The following STIL variants were observed in gnomAD, a reference collection of about 807,000 sequenced individuals.
STIL encodes the protein SCL-interrupting locus protein.
In STIL, 55 loss-of-function variants were observed where a neutral mutation model predicts 110.1. The ratio of observed to expected loss-of-function variants is 0.50; its 90% CI spans 0.40 to 0.63. The LOEUF is 0.63. Ranked by LOEUF, STIL falls within the 20% of genes least tolerant of loss-of-function variation. The pLI is 0.00. For missense variants in STIL, 1,358 were observed against 1,530.0 expected (o/e 0.89, Z 1.87); for synonymous variants, 481 against 530.0 (o/e 0.91, Z 1.27).
In STIL at chr1:47,260,371, G is replaced by T; in HGVS notation, c.2998C>A (p.Leu1000Ile). The change falls in exon 16 of 17, where the codon CTT (leucine) becomes ATT (isoleucine). Residue 1000 changes from leucine (L) to isoleucine (I), a missense_variant. Coordinates refer to ENST00000371877, the MANE Select transcript of STIL (RefSeq NM_001048166.1). ...ACTCCAAGGCTTCTTAGTTGCTTAA[G>T]AGTTGCATTAAGGACACAATCTTTG... is the stretch of plus-strand genomic sequence containing the variant. ...VDKDCVLNAT[L>I]KQLRSLGVKI... The T allele has an allele frequency of 6.2e-7, 1 of 1,614,132 alleles. No homozygotes were observed. Among genetic ancestry groups the T allele is most frequent in the South Asian group, 1.1e-5 (1 of 91,082 alleles).
In STIL at chr1:47,311,283, CTTTTTTT is replaced by C. The variant is rs536667689; in HGVS notation, c.-43-928_-43-922del. Among the ~76,000 whole-genome samples the C allele has an allele frequency of 6.0e-3, 790 of 132,216 alleles. 2 individuals carry two copies. The highest frequency in any genetic ancestry group is 0.032 in the East Asian group (154 of 4,818). 86.7% of individuals were successfully genotyped at this position (132,216 alleles called of 152,430 possible). On this transcript the variant is annotated intron_variant, in intron 1 of 16. Coordinates refer to ENST00000371877, the MANE Select transcript of STIL (RefSeq NM_001048166.1). ...CAAATCCATTTTCTTTTCTTTTTTT[CTTTTTTT>C]TTTTTTTTTGAAACAGGGTCTCACT...
chr1:47,310,462 A>T (rs766245691), intron 1 of STIL, 100 bp from the exon 2 acceptor site: 21 of 698,884 alleles, frequency 3.0e-5, no homozygotes, highest in Admixed American at 2.5e-4. Flanking sequence ...TAGATTACTT[A>T]TATGAAGTGT....
chr1:47,279,238 G>T (rs1645078904), intron 12 of STIL, among the ~76,000 whole-genome samples: 1 of 148,300 alleles, frequency 6.7e-6, no homozygotes, highest in Admixed American at 6.8e-5. Context: ...AGCCGAGATC[G>T]TGGCACTGCA....
rs1644690503 is a variant in STIL at position 47,267,631 on chromosome 1, CCACCGTACTCCAGCCAGGGCGA to C, written c.2615+1982_2615+2003del. On this transcript the variant is annotated intron_variant, in intron 14 of 16. Coordinates refer to ENST00000371877, the MANE Select transcript of STIL (RefSeq NM_001048166.1). ...GAGGTTGCAGTGAGCCAAGATCACG[CCACCGTACTCCAGCCAGGGCGA>C]CAGAGCGAGTATCTAAAAAAAAAAA... 5.4e-5 allele frequency among the ~76,000 whole-genome samples: 8 copies of C among 147,078 alleles called. No homozygotes were observed. The South Asian group carries it at 1.7e-3, about 32-fold the overall frequency.
Position 47,300,251 on chromosome 1 carries a change from G to C in STIL, c.454-99C>G, listed in dbSNP as rs1645765036. The C allele has an allele frequency of 2.1e-5, 25 of 1,186,346 alleles. No homozygotes were observed. The South Asian group carries it at 3.5e-4, about 17-fold the overall frequency. 73.5% of individuals were successfully genotyped at this position (1,186,346 alleles called of 1,614,324 possible). ...GATACATATACATATATAATATCTT[G>C]CACAAATAAAATTAAATGAGTTCTG... On this transcript the variant is annotated intron_variant, in intron 5 of 16. Coordinates refer to ENST00000371877, the MANE Select transcript of STIL (RefSeq NM_001048166.1).
intron 3 of STIL, 72 bp downstream of exon 3, chr1:47,304,817 A>G: frequency 8.7e-7 from 1 of 1,153,180 alleles, no homozygotes; most frequent in East Asian, 2.5e-5. Context: ...ATAGTAATCA[A>G]CTTTGCCTTA....
At chr1:47,259,384 G>A (rs957569641) in intron 16 of STIL, among the ~76,000 whole-genome samples, 27 of 137,008 alleles carry the variant, frequency 2.0e-4, no homozygotes, top group Middle Eastern at 4.6e-3. Context: ...CTGCCTCCCC[G>A]GGTTCAGGCA....
intron 6 of STIL, among the ~76,000 whole-genome samples, chr1:47,298,746 G>GT (rs909612160): frequency 6.7e-6 from 1 of 149,176 alleles, no homozygotes; most frequent in African/African-American, 2.5e-5. Context: ...GTTTTTTTTT[G>GT]TTTTTTGGTT....
chr1:47,284,897 A>AG (rs1371674729), intron 10 of STIL, among the ~76,000 whole-genome samples: 4 of 152,006 alleles, frequency 2.6e-5, no homozygotes, highest in African/African-American at 9.7e-5. Flanking sequence ...CTCAAAAAAA[A>AG]AAAAAGATAA....
chr1:47,276,097 G>A (rs78599541), intron 12 of STIL, among the ~76,000 whole-genome samples: 7,160 of 151,740 alleles, frequency 0.047, 555 homozygotes, highest in African/African-American at 0.16. Flanking sequence ...CCGCCTCTGA[G>A]GTTCAAGCGA....
intron 2 of STIL, among the ~76,000 whole-genome samples, chr1:47,309,376 C>T (rs1229606265): frequency 6.6e-6 from 1 of 152,038 alleles, no homozygotes; most frequent in African/African-American, 2.4e-5. Flanking sequence ...AAGCGATCTG[C>T]CCACCTCAGC....
chr1:47,293,381 G>T, intron 8 of STIL, 77 bp downstream of exon 8: 2 of 1,229,816 alleles, frequency 1.6e-6, no homozygotes, highest in South Asian at 1.2e-5. Context: ...GGCATTACAT[G>T]AATTTTAAAT....
At position 47,289,566 on chromosome 1, in the gene STIL, T is replaced by C. The variant is rs770213403; in HGVS notation, c.892A>G (p.Asn298Asp). 4.9e-5 allele frequency: 79 copies of C among 1,613,484 alleles called. No homozygotes were observed. In the Admixed American group the frequency reaches 1.3e-3, roughly 27 times the overall value. Residue 298 changes from asparagine to aspartate, a missense_variant, in exon 9 of 17, where the codon AAT becomes GAT. Transcript: ENST00000371877. ...VQERVFSESGNFIIVLYSMTH... is the reference protein window; with the variant it reads ...VQERVFSESGDFIIVLYSMTH... ...ATAGAATAGAGAACTATGATGAAAT[T>C]TCCAGATTCTGAAAAAACCCTGCAC...
At chr1:47,268,890 G>T (rs534670394) in intron 14 of STIL, among the ~76,000 whole-genome samples, 1 of 151,824 alleles carries the variant, frequency 6.6e-6, no homozygotes, top group Non-Finnish European at 1.5e-5. Flanking sequence ...TCAGGAGATC[G>T]AGGCCATCCT....
Position 47,302,104 on chromosome 1 carries a change from A to G in STIL, c.265+130T>C, listed in dbSNP as rs538423446. On this transcript the variant is annotated intron_variant, in intron 4 of 16. Transcript: ENST00000371877. Reference sequence around the variant, plus strand: ...GTAATTTAAAAAAATGTTTTCTTGTACTGATGGAGTCTTACTATGTTATGC... The same window carrying G: ...GTAATTTAAAAAAATGTTTTCTTGTGCTGATGGAGTCTTACTATGTTATGC... The G allele has an allele frequency of 5.6e-6, 4 of 709,186 alleles. No individual in the cohort carries two copies. The South Asian group carries it at 6.2e-5, about 11-fold the overall frequency. The allele number at this position is 709,186 out of a possible 1,614,324, so 43.9% of individuals were successfully genotyped here. A position where few individuals can be genotyped will look rare whatever the true frequency, so the allele number is the denominator to read the frequency against.
At chr1:47,311,007 C>T (rs1357315006) in intron 1 of STIL, among the ~76,000 whole-genome samples, 1 of 152,048 alleles carries the variant, frequency 6.6e-6, no homozygotes, top group African/African-American at 2.4e-5. Context: ...ACCACCATGC[C>T]CAGCTAATTT....
chr1:47,308,048 C>G (rs1184506630), intron 2 of STIL, among the ~76,000 whole-genome samples: 11 of 152,170 alleles, frequency 7.2e-5, no homozygotes, highest in Non-Finnish European at 1.6e-4. Flanking sequence ...TGCCCAAAAC[C>G]TCATTAGCAA....
intron 10 of STIL, among the ~76,000 whole-genome samples, chr1:47,286,619 C>T (rs1452303358): frequency 1.3e-5 from 2 of 151,464 alleles, no homozygotes; most frequent in African/African-American, 4.9e-5. Flanking sequence ...GGCGTGGACC[C>T]GGGAGGCGGA....
chr1:47,275,081 G>A (rs1644949298), intron 12 of STIL, among the ~76,000 whole-genome samples: 1 of 151,966 alleles, frequency 6.6e-6, no homozygotes, highest in African/African-American at 2.4e-5. Context: ...GCACCTGGAA[G>A]GCAGAGGTTG....
Sources: gnomAD v4.1 joint callset for allele counts (sites outside exome capture counted in the v4.1 genomes callset) on GRCh38, gnomAD v4.1.1 for gene constraint, MANE v1.5 for transcripts, NCBI Gene and HGNC (gene_info 2026-07-23, HGNC 2026-07-21) for gene names.